ANXA4: variants seen among roughly 807,000 people sequenced by gnomAD.
The protein encoded by ANXA4 is annexin A4.
In ANXA4, 39 loss-of-function variants were observed where a neutral mutation model predicts 49.8. The observed-to-expected ratio is 0.78, with a 90% CI of 0.61 to 1.02. ANXA4 has a LOEUF of 1.02. Ranked by LOEUF, ANXA4 falls within the 50% of genes least tolerant of loss-of-function variation. The pLI is 0.00. For missense variants in ANXA4, 360 were observed against 410.1 expected, an observed-to-expected ratio of 0.88 and a Z score of 1.05; for synonymous variants, 134 against 152.5, an observed-to-expected ratio of 0.88 and a Z score of 0.89.
intron 2 of ANXA4, 56 bp downstream of exon 2, chr2:69,781,630 T>A: frequency 6.2e-7 from 1 of 1,604,098 alleles, no homozygotes; most frequent in Non-Finnish European, 8.5e-7. Context: ...AGGTACAGAA[T>A]GTGGGCTCAG....
chr2:69,747,082 C>T (rs1670643717), intron 1 of ANXA4, among the ~76,000 whole-genome samples: 1 of 152,090 alleles, frequency 6.6e-6, no homozygotes, highest in African/African-American at 2.4e-5. Context: ...ACACACAGAA[C>T]AAGCAGCCTG....
At chr2:69,803,999 G>T (rs1453620036) in intron 3 of ANXA4, among the ~76,000 whole-genome samples, 1 of 151,952 alleles carries the variant, frequency 6.6e-6, no homozygotes, top group African/African-American at 2.4e-5. Flanking sequence ...TTCGCTGGGG[G>T]TGGTGGCACA....
intron 1 of ANXA4, among the ~76,000 whole-genome samples, chr2:69,775,956 TTTTATTTTATTTA>T (rs926097607): frequency 3.7e-5 from 5 of 134,362 alleles, no homozygotes; most frequent in East Asian, 2.3e-4. Context: ...TTTTATTTAT[TTTTATTTTATTTA>T]TTTATTTATT....
chr2:69,787,888 C>T lies in ANXA4; in HGVS notation c.10-166C>T, dbSNP rs543701875. ...GTCTGCCTCCCATGAGCTAGAGCAT[C>T]AGTCCCGGGGAGCAAGAGCTTAATT... On this transcript the variant is annotated intron_variant, in intron 2 of 12. Coordinates refer to ENST00000394295, the MANE Select transcript of ANXA4 (RefSeq NM_001153.5). 2.3e-3 allele frequency among the ~76,000 whole-genome samples: 343 copies of T among 152,350 alleles called. 1 individual carries two copies. The highest frequency in any genetic ancestry group is 8.0e-3 in the African/African-American group (334 of 41,584).
At chr2:69,820,892 CTTG>C in intron 12 of ANXA4, 71 bp downstream of exon 12, 2 of 1,494,376 alleles carry the variant, frequency 1.3e-6, no homozygotes, top group Non-Finnish European at 1.8e-6. Context: ...GCATTTAGCA[CTTG>C]TTGTCCCCCT....
chr2:69,778,835 T>C (rs1194048892), intron 1 of ANXA4, among the ~76,000 whole-genome samples: 1 of 146,548 alleles, frequency 6.8e-6, no homozygotes, highest in Non-Finnish European at 1.5e-5. Flanking sequence ...TGATGGCTCA[T>C]GCCTGTAGTC....
At chr2:69,661,276 G>A (rs991948531) in intron 2 of ANXA4, among the ~76,000 whole-genome samples, 9 of 149,310 alleles carry the variant, frequency 6.0e-5, no homozygotes, top group African/African-American at 1.5e-4. Context: ...TCCTAAAGGA[G>A]CTACTAAAAT....
At chr2:69,646,371 A>G (rs1380166574) in intron 1 of ANXA4, among the ~76,000 whole-genome samples, 1 of 152,246 alleles carries the variant, frequency 6.6e-6, no homozygotes, top group Non-Finnish European at 1.5e-5. Flanking sequence ...TCTTCTACTT[A>G]TCTCCTTGGG....
upstream of ANXA4, among the ~76,000 whole-genome samples, chr2:69,741,545 CT>C (rs1430745345): frequency 2.0e-5 from 3 of 152,248 alleles, no homozygotes; most frequent in Non-Finnish European, 4.4e-5. Context: ...GTGCTGGAAA[CT>C]TTTGGGAATG....
chr2:69,760,676 T>C (rs2105522649), intron 1 of ANXA4, among the ~76,000 whole-genome samples: 1 of 152,328 alleles, frequency 6.6e-6, no homozygotes, highest in East Asian at 1.9e-4. Context: ...CTTTTTCTTT[T>C]TTAGCAAATG....
At chr2:69,719,260 C>CTTTT (rs1192269262) in intron 2 of ANXA4, among the ~76,000 whole-genome samples, 9 of 66,570 alleles carry the variant, frequency 1.4e-4, no homozygotes, top group Admixed American at 1.9e-4. Flanking sequence ...ATTTTCCAGT[C>CTTTT]TTTTTTTTTT....
chr2:69,725,593 A>G (rs1669942544), intron 3 of ANXA4, among the ~76,000 whole-genome samples: 1 of 152,150 alleles, frequency 6.6e-6, no homozygotes, highest in African/African-American at 2.4e-5. Flanking sequence ...GACACAGAAC[A>G]CTTCCATCAC....
At chr2:69,664,213 G>A (rs1162146420) in intron 2 of ANXA4, among the ~76,000 whole-genome samples, 1 of 152,208 alleles carries the variant, frequency 6.6e-6, no homozygotes, top group Non-Finnish European at 1.5e-5. Flanking sequence ...AGTAAAGCGT[G>A]GGGGTAAATG....
chr2:69,738,739 C>G (rs1329226124), upstream of ANXA4, among the ~76,000 whole-genome samples: 4 of 152,196 alleles, frequency 2.6e-5, no homozygotes, highest in Admixed American at 6.5e-5. Context: ...TGTGAAGGGG[C>G]ATGTGTAGAT....
chr2:69,684,317 G>A lies in ANXA4; in HGVS notation n.766+31035G>A, dbSNP rs572490043. 5.3e-5 allele frequency among the ~76,000 whole-genome samples: 8 copies of A among 152,306 alleles called. No homozygotes were observed. In the Middle Eastern group the frequency reaches 0.017, roughly 324 times the overall value. On this transcript the variant is annotated intron_variant and non_coding_transcript_variant, in intron 2 of 3. Transcript: ENST00000418066. ...AAATTGCCATTACATCTGCCCGAAT[G>A]TACATGGGACACAGTTGCGTCAGAA...
Position 69,804,558 on chromosome 2 carries a change from C to A in ANXA4, c.123C>A (p.Ser41Arg), listed in dbSNP as rs750529441. Reference protein sequence around the residue: ...GLGTDEDAIISVLAYRNTAQR... With the variant: ...GLGTDEDAIIRVLAYRNTAQR... The stretch of plus-strand genomic sequence containing the variant: ...GCACCGATGAAGACGCCATTATTAG[C>A]GTCCTTGCCTACCGCAACACCGCCC... Residue 41 changes from serine (S) to arginine (R), a missense_variant, in exon 4 of 13, where the codon AGC (serine) becomes AGA (arginine). Physicochemically the swap from Ser to Arg is moderately radical, Grantham distance 110. Transcript: ENST00000394295. 2.5e-6 allele frequency: 4 copies of A among 1,613,928 alleles called. No homozygotes were observed. The Admixed American group carries it at 6.7e-5, about 27-fold the overall frequency.
At chr2:69,681,415 A>C (rs1273850850) in intron 2 of ANXA4, among the ~76,000 whole-genome samples, 1 of 145,364 alleles carries the variant, frequency 6.9e-6, no homozygotes, top group Admixed American at 7.0e-5. Context: ...CCCAGGCTGG[A>C]GTGCCGTGGT....
chr2:69,659,683 G>A (rs957907380), intron 2 of ANXA4, among the ~76,000 whole-genome samples: 1 of 152,226 alleles, frequency 6.6e-6, no homozygotes, highest in African/African-American at 2.4e-5. Flanking sequence ...CTCTTTGGGA[G>A]GCTGTAGCAG....
intron 2 of ANXA4, among the ~76,000 whole-genome samples, chr2:69,784,302 C>T (rs1220880910): frequency 6.6e-6 from 1 of 152,226 alleles, no homozygotes; most frequent in Non-Finnish European, 1.5e-5. Flanking sequence ...AACGGAACCA[C>T]CCTTGCCAAT....
Sources: allele counts gnomAD v4.1 joint callset (sites outside exome capture counted in the v4.1 genomes callset), GRCh38; gene constraint gnomAD v4.1.1; transcripts MANE v1.5; gene names NCBI Gene and HGNC (gene_info 2026-07-23, HGNC 2026-07-21).